Variants in DTNA observed in about 807,000 individuals in gnomAD.
DTNA encodes the protein dystrophin-related protein 3.
DTNA carries 43 observed loss-of-function variants against 100.7 expected under a neutral mutation model. The ratio of observed to expected loss-of-function variants is 0.43; its 90% confidence interval spans 0.33 to 0.55. The LOEUF is 0.55. Among genes scored for constraint, DTNA ranks in the 20% least tolerant of loss-of-function variants. The probability of loss-of-function intolerance (pLI) is 0.04; values close to 1 mark genes in which losing one functional copy is unlikely to be tolerated. For missense variants in DTNA, 798 were observed against 953.9 expected (o/e 0.84, Z 2.15); for synonymous variants, 349 against 347.9 (o/e 1.00, Z -0.04).
intron 1 of DTNA, among the ~76,000 whole-genome samples, chr18:34,529,367 AAG>A (rs1425136337): frequency 6.6e-6 from 1 of 152,132 alleles, no homozygotes; most frequent in African/African-American, 2.4e-5. Flanking sequence ...TTTTAATAAA[AAG>A]AAATATAAGT....
At chr18:34,787,558 ACAT>A (rs1173006284) in intron 3 of DTNA, among the ~76,000 whole-genome samples, 1 of 152,152 alleles carries the variant, frequency 6.6e-6, no homozygotes, top group Non-Finnish European at 1.5e-5. Flanking sequence ...AAAGTTTATG[ACAT>A]CAGCCATCTC....
intron 1 of DTNA, among the ~76,000 whole-genome samples, chr18:34,564,623 C>T (rs993084356): frequency 4.6e-5 from 7 of 152,148 alleles, no homozygotes; most frequent in Admixed American, 6.5e-5. Flanking sequence ...ATCTCCCATT[C>T]GTCTGTCTTT....
At chr18:34,815,426 T>C (rs947724491) in intron 6 of DTNA, among the ~76,000 whole-genome samples, 2 of 152,188 alleles carry the variant, frequency 1.3e-5, no homozygotes, top group African/African-American at 4.8e-5. Flanking sequence ...CCTCCTGCTC[T>C]TGTATAACAG....
intron 1 of DTNA, among the ~76,000 whole-genome samples, chr18:34,638,725 A>G (rs1168513294): frequency 6.6e-6 from 1 of 152,224 alleles, no homozygotes; most frequent in Non-Finnish European, 1.5e-5. Flanking sequence ...CATGCCCACA[A>G]TGAAAGCAAT....
intron 2 of DTNA, among the ~76,000 whole-genome samples, chr18:34,761,243 G>A (rs2093148538): frequency 6.6e-6 from 1 of 152,062 alleles, no homozygotes; most frequent in African/African-American, 2.4e-5. Context: ...CTGGAAATAT[G>A]TATTGAGCAA....
At chr18:34,539,862 T>C (rs2044080001) in intron 1 of DTNA, among the ~76,000 whole-genome samples, 1 of 151,942 alleles carries the variant, frequency 6.6e-6, no homozygotes, top group Admixed American at 6.6e-5. Flanking sequence ...ATTTTATATA[T>C]TCTTCAAAAA....
intron 1 of DTNA, among the ~76,000 whole-genome samples, chr18:34,520,242 G>T (rs991141419): frequency 6.6e-6 from 1 of 152,190 alleles, no homozygotes; most frequent in Admixed American, 6.6e-5. Context: ...GTGTCCTTGG[G>T]TGTTGGTTTC....
At chr18:34,818,474 C>A in intron 8 of DTNA, 144 bp downstream of exon 8, 2 of 1,531,914 alleles carry the variant, frequency 1.3e-6, no homozygotes, top group Admixed American at 2.0e-5. Flanking sequence ...TCCTCCCACT[C>A]TCCACCCTAC....
At position 34,681,133 on chromosome 18, in the gene DTNA, A is replaced by G. The variant is rs138117566; in HGVS notation, c.-1-74843A>G. Among the ~76,000 whole-genome samples, 47 of 152,168 alleles carry G rather than the reference A, an allele frequency of 3.1e-4. 1 individual carries two copies. The highest frequency in any genetic ancestry group is 1.1e-3 in the African/African-American group (47 of 41,518). ...GCTTCTCAATTCTTTCATCTTTGTA[A>G]CCATTTCCTTGTATTAAAGTTCATC... On this transcript the variant is annotated intron_variant, in intron 1 of 19. Coordinates refer to the DTNA transcript ENST00000283365.
intron 1 of DTNA, among the ~76,000 whole-genome samples, chr18:34,727,959 GA>G (rs1054464011): frequency 5.9e-5 from 9 of 152,098 alleles, no homozygotes; most frequent in East Asian, 1.9e-4. Flanking sequence ...GGGAGGGGGG[GA>G]AAAGGCAAAA....
In DTNA at chr18:34,765,991, C is replaced by T. The variant is rs2093447664; in HGVS notation, c.98C>T (p.Ser33Phe). The T allele has an allele frequency of 1.9e-6, 3 of 1,613,848 alleles. No individual in the cohort carries two copies. The highest frequency in any genetic ancestry group is 2.5e-6 in the Non-Finnish European group (3 of 1,179,782). ...RAQDLDRIRL[S>F]TYRTACKLRF... ...CAAGATCTGGATCGCATCCGACTCT[C>T]CACCTACAGAACAGCATGCAAGCTT... Residue 33 changes from serine (S) to phenylalanine (F), a missense_variant, in exon 3 of 23, where the codon TCC (serine) becomes TTC (phenylalanine). By Grantham distance (155) the Ser-to-Phe change is radical. Transcript: ENST00000444659.
intron 1 of DTNA, among the ~76,000 whole-genome samples, chr18:34,576,983 ACTT>A (rs1336910691): frequency 6.6e-6 from 1 of 151,898 alleles, no homozygotes; most frequent in African/African-American, 2.4e-5. Context: ...GGTCCCAAAA[ACTT>A]CTCTCCCAAA....
At chr18:34,836,511 G>A (rs1322396923) in intron 11 of DTNA, among the ~76,000 whole-genome samples, 1 of 151,990 alleles carries the variant, frequency 6.6e-6, no homozygotes, top group East Asian at 1.9e-4. Flanking sequence ...AGCCAGGTGT[G>A]GTGGCGCATG....
At chr18:34,599,371 T>C (rs568036523) in intron 1 of DTNA, among the ~76,000 whole-genome samples, 1 of 152,350 alleles carries the variant, frequency 6.6e-6, no homozygotes, top group Admixed American at 6.5e-5. Context: ...TAATGGCTGA[T>C]TTCTAATCAT....
chr18:34,880,011 G>A lies in DTNA; in HGVS notation c.2162+292G>A, dbSNP rs149685186. On this transcript the variant is annotated intron_variant, in intron 20 of 22. Coordinates refer to ENST00000444659, the MANE Select transcript of DTNA (RefSeq NM_001386795.1). Reference sequence around the variant, plus strand: ...CTATACAAAATAGTATTAAAAAACTGCTGCCACCCTTTTAGGACTCACAGA... The same window carrying A: ...CTATACAAAATAGTATTAAAAAACTACTGCCACCCTTTTAGGACTCACAGA... Among the ~76,000 whole-genome samples the A allele has an allele frequency of 9.2e-5, 14 of 152,200 alleles. No individual in the cohort carries two copies. In the East Asian group the frequency reaches 2.7e-3, roughly 29 times the overall value.
chr18:34,622,694 T>C lies in DTNA; in HGVS notation c.-2+129180T>C, dbSNP rs187144320. ...GCTGGGTTACACTCTTCCTTTCCTG[T>C]CCTTGGACAACAACTCCAGGCTCCC... On this transcript the variant is annotated intron_variant, in intron 1 of 19. Coordinates refer to the DTNA transcript ENST00000283365. Among the ~76,000 whole-genome samples, 419 of 152,302 alleles carry C rather than the reference T, an allele frequency of 2.8e-3. 2 individuals carry two copies. Among genetic ancestry groups the C allele is most frequent in the African/African-American group, 9.1e-3 (379 of 41,566 alleles).
chr18:34,667,890 T>G (rs1219285456), intron 1 of DTNA, among the ~76,000 whole-genome samples: 1 of 152,212 alleles, frequency 6.6e-6, no homozygotes, highest in Admixed American at 6.5e-5. Context: ...ATTCTCTTTT[T>G]TTTGTTGTGT....
intron 13 of DTNA, among the ~76,000 whole-genome samples, chr18:34,840,014 T>C (rs1324307269): frequency 1.3e-5 from 2 of 152,188 alleles, no homozygotes; most frequent in Non-Finnish European, 2.9e-5. Flanking sequence ...ATTTTCAAAA[T>C]TTTCTTCCTA....
intron 1 of DTNA, among the ~76,000 whole-genome samples, chr18:34,726,868 G>A (rs769893595): frequency 1.3e-5 from 2 of 152,214 alleles, no homozygotes; most frequent in Non-Finnish European, 2.9e-5. Flanking sequence ...AGGACGCTGT[G>A]TGGGGCTCCA....
Sources: allele counts gnomAD v4.1 joint callset (sites outside exome capture counted in the v4.1 genomes callset), GRCh38; gene constraint gnomAD v4.1.1; transcripts MANE v1.5; gene names NCBI Gene and HGNC (gene_info 2026-07-23, HGNC 2026-07-21).